Variants in CACHD1 observed in about 807,000 individuals in gnomAD.
CACHD1 encodes the protein VWFA and cache domain-containing protein 1.
CACHD1 carries 71 observed loss-of-function variants against 138.7 expected under a neutral mutation model. The ratio of observed to expected loss-of-function variants is 0.51; its 90% CI spans 0.42 to 0.62. CACHD1 has a LOEUF of 0.62. CACHD1 is among the 20% of genes least tolerant of loss of function. The pLI, the probability that CACHD1 is intolerant of heterozygous loss-of-function variation, is 0.00. For synonymous variants in CACHD1, 578 were observed against 591.5 expected, an observed-to-expected ratio of 0.98 and a Z score of 0.33; for missense variants, 1,389 against 1,625.3, an observed-to-expected ratio of 0.85 and a Z score of 2.50.
chr1:64,655,675 A>C (rs1649238641), intron 12 of CACHD1, among the ~76,000 whole-genome samples: 1 of 152,202 alleles, frequency 6.6e-6, no homozygotes, highest in African/African-American at 2.4e-5. Context: ...ATCATAGAGA[A>C]AGCGTATCTA....
At position 64,682,041 on chromosome 1, in the gene CACHD1, G is replaced by A. The variant is rs759436385; in HGVS notation, c.3521G>A (p.Arg1174Gln). ...CGGTTTATAGCTGCGGTCATCGAAC[G>A]ACATGCACACAGTCCAGAAAGAAGG... ...NTRFIAAVIE[R>Q]HAHSPERRRR... is the part of the protein sequence containing the mutation. Residue 1174 changes from arginine (R) to glutamine (Q), a missense_variant, in exon 26 of 27, where the codon CGA (arginine) becomes CAA (glutamine). Arg to Gln is a conservative substitution (Grantham distance 43, BLOSUM62 1). Coordinates refer to ENST00000651257, the MANE Select transcript of CACHD1 (RefSeq NM_020925.4). 7.4e-6 allele frequency: 12 copies of A among 1,614,044 alleles called. No individual in the cohort carries two copies. The highest frequency in any genetic ancestry group is 5.0e-5 in the Admixed American group (3 of 60,014).
intron 13 of CACHD1, among the ~76,000 whole-genome samples, chr1:64,663,192 C>T (rs1649502469): frequency 1.3e-5 from 2 of 151,920 alleles, no homozygotes; most frequent in African/African-American, 2.4e-5. Flanking sequence ...TGTTTATTGG[C>T]GCATGTCTTT....
intron 4 of CACHD1, among the ~76,000 whole-genome samples, chr1:64,606,782 A>C (rs903448041): frequency 6.6e-6 from 1 of 152,172 alleles, no homozygotes. Context: ...TTTTGAAGGT[A>C]GAATCAGTAG....
At chr1:64,654,999 A>T (rs1245172969) in intron 12 of CACHD1, among the ~76,000 whole-genome samples, 196 bp downstream of exon 12, 4 of 152,192 alleles carry the variant, frequency 2.6e-5, no homozygotes, top group Non-Finnish European at 1.5e-5. Context: ...TTGTTTATAA[A>T]ACTGATAATT....
rs757954795 is a variant in CACHD1 at position 64,663,806 on chromosome 1, A to G, written c.2063A>G (p.Asn688Ser). ...CACTACACCGCCTATCTCAGCGACA[A>G]CACCCGCCTCATTGCTAACCCGGGC... is the stretch of plus-strand genomic sequence containing the variant. Reference protein sequence around the residue: ...VEHYTAYLSDNTRLIANPGLK... With the variant: ...VEHYTAYLSDSTRLIANPGLK... Residue 688 changes from asparagine (N) to serine (S), a missense_variant, in exon 14 of 27, where the codon AAC becomes AGC. By Grantham distance (46) the Asn-to-Ser change is conservative. Transcript: ENST00000651257. 1 of 1,614,018 alleles carries G rather than the reference A, an allele frequency of 6.2e-7. No homozygotes were observed. The highest frequency in any genetic ancestry group is 8.5e-7 in the Non-Finnish European group (1 of 1,179,982).
At chr1:64,583,613 T>C (rs1570390328) in intron 3 of CACHD1, among the ~76,000 whole-genome samples, 1 of 152,334 alleles carries the variant, frequency 6.6e-6, no homozygotes, top group East Asian at 1.9e-4. Flanking sequence ...TGTTAGGTAT[T>C]AGTTCCTTCT....
intron 3 of CACHD1, among the ~76,000 whole-genome samples, chr1:64,592,893 T>C (rs549814346): frequency 3.3e-5 from 5 of 152,126 alleles, no homozygotes; most frequent in Non-Finnish European, 5.9e-5. Flanking sequence ...TGGTGTATTA[T>C]ATAGAGTGTC....
rs190405841 is a variant in CACHD1, at chr1:64,596,613, G to A, written c.411-6193G>A. 2.6e-5 allele frequency among the ~76,000 whole-genome samples: 4 copies of A among 152,248 alleles called. No homozygotes were observed. The East Asian group carries it at 7.7e-4, about 29-fold the overall frequency. On this transcript the variant is annotated intron_variant, in intron 3 of 26. Coordinates refer to ENST00000651257, the MANE Select transcript of CACHD1 (RefSeq NM_020925.4). ...TAATTCAGTGGCACTGGCAGCAAAG[G>A]CCTGCTTGTGTTGTGACCTCCCATC... is the stretch of plus-strand genomic sequence containing the variant.
intron 1 of CACHD1, among the ~76,000 whole-genome samples, chr1:64,486,063 T>C (rs1646239906): frequency 6.6e-6 from 1 of 152,150 alleles, no homozygotes; most frequent in East Asian, 1.9e-4. Flanking sequence ...CATTGTAAAA[T>C]GTGTGAAATG....
chr1:64,661,274 C>G (rs563853034), intron 13 of CACHD1, among the ~76,000 whole-genome samples: 1 of 151,728 alleles, frequency 6.6e-6, no homozygotes, highest in East Asian at 1.9e-4. Context: ...TCTTGGTACA[C>G]AAAGAGACAA....
In CACHD1 at chr1:64,649,610, A is replaced by T. The variant is rs6698292; in HGVS notation, c.1390+1576A>T. On this transcript the variant is annotated intron_variant, in intron 9 of 26. Transcript: ENST00000651257. ...AGACAAATCAGTAATTCCCGTTAAT[A>T]CTGTGTGAAAGGGACAAAGGATGAC... 1.6e-3 allele frequency among the ~76,000 whole-genome samples: 242 copies of T among 152,290 alleles called. 1 individual carries two copies. The highest frequency in any genetic ancestry group is 5.4e-3 in the African/African-American group (226 of 41,556).
chr1:64,569,571 G>C (rs560946389), intron 2 of CACHD1, among the ~76,000 whole-genome samples: 3 of 152,236 alleles, frequency 2.0e-5, no homozygotes, highest in Non-Finnish European at 4.4e-5. Context: ...GAGCAGCGGG[G>C]GCCTTGCGGC....
intron 1 of CACHD1, among the ~76,000 whole-genome samples, chr1:64,474,277 T>G (rs550829055): frequency 6.6e-6 from 1 of 152,322 alleles, no homozygotes; most frequent in African/African-American, 2.4e-5. Context: ...TAAGTGGCTG[T>G]GTCCAGGGAG....
intron 4 of CACHD1, among the ~76,000 whole-genome samples, chr1:64,615,231 T>A (rs533958540): frequency 6.6e-6 from 1 of 152,340 alleles, no homozygotes; most frequent in South Asian, 2.1e-4. Flanking sequence ...TAAGAATTTC[T>A]TGTTTGTTGT....
At chr1:64,509,520 T>G (rs1646402764) in intron 1 of CACHD1, among the ~76,000 whole-genome samples, 1 of 152,106 alleles carries the variant, frequency 6.6e-6, no homozygotes, top group African/African-American at 2.4e-5. Flanking sequence ...AAAAAAATGG[T>G]AGGAAGGAAA....
intron 1 of CACHD1, among the ~76,000 whole-genome samples, chr1:64,507,095 C>G (rs1281176087): frequency 6.6e-6 from 1 of 152,202 alleles, no homozygotes; most frequent in Admixed American, 6.5e-5. Flanking sequence ...AAGTTCATGA[C>G]TCGTAAATTA....
At chr1:64,638,623 A>G (rs1648600232) in intron 7 of CACHD1, among the ~76,000 whole-genome samples, 1 of 151,878 alleles carries the variant, frequency 6.6e-6, no homozygotes, top group Admixed American at 6.6e-5. Context: ...TGGAGATCTA[A>G]TGGTATGGGC....
At chr1:64,576,423 G>C (rs1393596335) in intron 2 of CACHD1, among the ~76,000 whole-genome samples, 1 of 151,824 alleles carries the variant, frequency 6.6e-6, no homozygotes, top group Middle Eastern at 3.2e-3. Flanking sequence ...TCTTTACTCT[G>C]AGGTTCTGTT....
At chr1:64,518,528 G>A (rs1454304312) in intron 1 of CACHD1, among the ~76,000 whole-genome samples, 2 of 152,026 alleles carry the variant, frequency 1.3e-5, no homozygotes, top group Non-Finnish European at 2.9e-5. Context: ...GCAATATCAG[G>A]GAATGGTAGA....
Sources: allele counts gnomAD v4.1 joint callset (sites outside exome capture counted in the v4.1 genomes callset), GRCh38; gene constraint gnomAD v4.1.1; transcripts MANE v1.5; gene names NCBI Gene and HGNC (gene_info 2026-07-23, HGNC 2026-07-21).